Variants in DEPDC7 observed in about 807,000 individuals in gnomAD.
The protein encoded by DEPDC7 is DEP domain-containing protein 7.
Under a neutral mutation model 56.6 loss-of-function variants are expected in DEPDC7, and 41 were observed. The ratio of observed to expected loss-of-function variants is 0.72; its 90% CI spans 0.56 to 0.94. The LOEUF (loss-of-function observed/expected upper bound fraction) is 0.94, where lower values mean the gene tolerates loss of function less well. Among genes scored for constraint, DEPDC7 ranks in the 40% least tolerant of loss-of-function variants. The probability of loss-of-function intolerance (pLI) is 0.00; values close to 1 mark genes in which losing one functional copy is unlikely to be tolerated. For missense variants in DEPDC7, 522 were observed against 596.3 expected (o/e 0.88, Z 1.30); for synonymous variants, 185 against 208.8 (o/e 0.89, Z 0.98).
intron 1 of DEPDC7, among the ~76,000 whole-genome samples, chr11:33,019,628 T>C (rs1284729545): frequency 6.6e-6 from 1 of 152,118 alleles, no homozygotes; most frequent in Admixed American, 6.5e-5. Flanking sequence ...ATCACACCAC[T>C]GCATTCCAAC....
rs1400521659 is a variant in DEPDC7 at position 33,027,690 on chromosome 11, G to A, written c.469G>A (p.Ala157Thr). The part of the protein sequence containing the change: ...ENKLYSPARY[A>T]DALFKSSDIR... Reference sequence around the variant, plus strand: ...TCTGAAATAAATTCATTTTAGGTATGCAGATGCATTATTTAAGTCATCCGA... The same window carrying A: ...TCTGAAATAAATTCATTTTAGGTATACAGATGCATTATTTAAGTCATCCGA... The change falls in exon 3 of 9, where the codon GCA becomes ACA. Residue 157 changes from alanine (A) to threonine (T), a missense_variant. Transcript: ENST00000241051. 2.6e-6 allele frequency: 4 copies of A among 1,518,412 alleles called. No individual in the cohort carries two copies. The highest frequency in any genetic ancestry group is 3.5e-6 in the Non-Finnish European group (4 of 1,140,932). The allele number at this position is 1,518,412 out of a possible 1,614,324, so 94.1% of individuals were successfully genotyped here. A position where few individuals can be genotyped will look rare whatever the true frequency, so the allele number is the denominator to read the frequency against.
chr11:33,016,352 T>G, intron 1 of DEPDC7: 1 of 1,416,404 alleles, frequency 7.1e-7, no homozygotes, highest in Non-Finnish European at 9.2e-7. Flanking sequence ...AGCTCCGGGA[T>G]ATGCTCCGCG....
intron 4 of DEPDC7, among the ~76,000 whole-genome samples, chr11:33,030,403 T>C (rs913738129): frequency 1.3e-5 from 2 of 152,126 alleles, no homozygotes; most frequent in Non-Finnish European, 2.9e-5. Flanking sequence ...TTAGTTGTCC[T>C]GAGTCCATGG....
intron 8 of DEPDC7, 43 bp downstream of exon 8, chr11:33,033,010 T>G (rs1243964120): frequency 1.2e-5 from 18 of 1,450,388 alleles, no homozygotes; most frequent in Non-Finnish European, 1.5e-5. Flanking sequence ...CAAAGACAAA[T>G]TTCAGGTGTT....
At chr11:33,033,042 A>G in intron 8 of DEPDC7, 75 bp downstream of exon 8, 1 of 1,234,436 alleles carries the variant, frequency 8.1e-7, no homozygotes, top group Non-Finnish European at 1.1e-6. Context: ...TTTTGCTATA[A>G]GTAGTTGGAC....
At chr11:33,031,669 TAGTACTACTA>T in intron 5 of DEPDC7, 80 bp downstream of exon 5, 1 of 1,096,304 alleles carries the variant, frequency 9.1e-7, no homozygotes, top group Non-Finnish European at 1.4e-6. Context: ...TGAACCAGAA[TAGTACTACTA>T]CAAGCTGGGA....
Position 33,028,764 on chromosome 11 carries a change from G to T in DEPDC7, c.754G>T (p.Gly252Trp), listed in dbSNP as rs1356247832. ...CAACAGCAGTAACTATCTGGATCGA[G>T]GGATTCTCAAGGCTTATAGTGACTC... is the stretch of plus-strand genomic sequence containing the variant. ...MVNSSNYLDR[G>W]ILKAYSDSQE... The change falls in exon 4 of 9, where the codon GGG becomes TGG. Residue 252 changes from glycine to tryptophan, a missense_variant. Coordinates refer to ENST00000241051, the MANE Select transcript of DEPDC7 (RefSeq NM_001077242.2). 3 of 1,612,034 alleles carry T rather than the reference G, an allele frequency of 1.9e-6. No homozygotes were observed. The South Asian group carries it at 3.3e-5, about 18-fold the overall frequency.
Position 33,015,969 on chromosome 11 carries a change from A to G in DEPDC7, c.14A>G (p.Gln5Arg), listed in dbSNP as rs1054485692. ...GGAGCAAGGGCCATGGCCACCGTGC[A>G]GGAGAAGGCTGCTGCGCTGAACCTC... is the stretch of plus-strand genomic sequence containing the variant. The part of the protein sequence containing the change: MATV[Q>R]EKAAALNLSA... The change falls in exon 1 of 9, where the codon CAG becomes CGG. Residue 5 changes from glutamine (Q) to arginine (R), a missense_variant. By Grantham distance (43) the Gln-to-Arg change is conservative. Transcript: ENST00000241051. The G allele has an allele frequency of 5.1e-6, 8 of 1,579,102 alleles. No homozygotes were observed. The highest frequency in any genetic ancestry group is 2.7e-5 in the African/African-American group (2 of 73,344).
intron 1 of DEPDC7, among the ~76,000 whole-genome samples, chr11:33,025,199 A>G (rs1050263013): frequency 6.6e-6 from 1 of 151,840 alleles, no homozygotes; most frequent in Non-Finnish European, 1.5e-5. Flanking sequence ...GCACACTCCC[A>G]CCTCAGGGCA....
At chr11:33,019,016 T>C (rs1323593677) in intron 1 of DEPDC7, among the ~76,000 whole-genome samples, 1 of 152,140 alleles carries the variant, frequency 6.6e-6, no homozygotes, top group African/African-American at 2.4e-5. Context: ...TTGCCCAAGA[T>C]CGTGTTATTA....
chr11:33,022,521 C>T (rs926358479), intron 1 of DEPDC7, among the ~76,000 whole-genome samples: 41 of 152,056 alleles, frequency 2.7e-4, no homozygotes, highest in African/African-American at 8.7e-4. Flanking sequence ...GAATTAAATG[C>T]GAGAAGACAG....
chr11:33,015,948 C>A lies in DEPDC7; in HGVS notation c.-8C>A. On this transcript the variant is annotated 5_prime_UTR_variant, in exon 1 of 9. Transcript: ENST00000241051. ...GCTGGAGGAGTTGGCGTCCGGGGAG[C>A]AAGGGCCATGGCCACCGTGCAGGAG... The A allele has an allele frequency of 6.4e-7, 1 of 1,572,614 alleles. No homozygotes were observed. The highest frequency in any genetic ancestry group is 8.6e-7 in the Non-Finnish European group (1 of 1,159,794).
intron 2 of DEPDC7, 189 bp downstream of exon 2, chr11:33,026,238 T>C (rs975924855): frequency 4.8e-6 from 3 of 627,764 alleles, no homozygotes; most frequent in African/African-American, 3.7e-5. Flanking sequence ...TCATATTTTA[T>C]ATTTAGCAGA....
intron 1 of DEPDC7, 23 bp from the exon 2 acceptor site, chr11:33,025,636 C>G (rs1230268096): frequency 6.3e-7 from 1 of 1,583,648 alleles, no homozygotes; most frequent in South Asian, 1.1e-5. Context: ...ATCCCAGTTT[C>G]TCTATGATTT....
At chr11:33,024,275 G>C (rs982217797) in intron 1 of DEPDC7, among the ~76,000 whole-genome samples, 3 of 152,196 alleles carry the variant, frequency 2.0e-5, no homozygotes, top group Admixed American at 6.5e-5. Context: ...GCTTTCTTCT[G>C]TGCGTACTCT....
chr11:33,025,627 T>C, intron 1 of DEPDC7, 32 bp from the exon 2 acceptor site: 1 of 1,575,880 alleles, frequency 6.3e-7, no homozygotes, highest in Non-Finnish European at 8.6e-7. Context: ...AGGTACTAAA[T>C]CCCAGTTTCT....
At chr11:33,026,335 C>T (rs183105931) in intron 2 of DEPDC7, 58 of 356,500 alleles carry the variant, frequency 1.6e-4, no homozygotes, top group African/African-American at 8.4e-4. Context: ...GAGAACATAG[C>T]GAAGGCAGGC....
At chr11:33,016,146 G>A (rs899026501) in intron 1 of DEPDC7, 118 bp downstream of exon 1, 8 of 1,235,344 alleles carry the variant, frequency 6.5e-6, no homozygotes, top group Non-Finnish European at 8.1e-6. Flanking sequence ...TCAACGGCCG[G>A]CTGGGCGAGC....
At chr11:33,030,966 G>A (rs562898389) in intron 4 of DEPDC7, among the ~76,000 whole-genome samples, 1 of 152,342 alleles carries the variant, frequency 6.6e-6, no homozygotes, top group African/African-American at 2.4e-5. Context: ...ACAGAGGTCT[G>A]AAGTAAGCAA....
Sources: gnomAD v4.1 joint callset for allele counts (sites outside exome capture counted in the v4.1 genomes callset) on GRCh38, gnomAD v4.1.1 for gene constraint, MANE v1.5 for transcripts, NCBI Gene and HGNC (gene_info 2026-07-23, HGNC 2026-07-21) for gene names.